Variants in MT1X observed in about 807,000 individuals in gnomAD.
The protein encoded by MT1X is metallothionein 1X.
A neutral mutation model predicts 8.6 loss-of-function variants in MT1X; 7 were observed. The observed-to-expected ratio is 0.81, with a 90% CI of 0.46 to 1.52. MT1X has a LOEUF of 1.52. Among genes scored for constraint, MT1X ranks in the 40% most tolerant of loss-of-function variants. The probability of loss-of-function intolerance (pLI) is 0.01; values close to 1 mark genes in which losing one functional copy is unlikely to be tolerated. For synonymous variants in MT1X, 25 were observed against 27.6 expected, an observed-to-expected ratio of 0.91 and a Z score of 0.30; for missense variants, 72 against 74.3, an observed-to-expected ratio of 0.97 and a Z score of 0.11.
At chr16:56,683,822 T>G in intron 2 of MT1X, 136 bp from the exon 3 acceptor site, 2 of 1,292,348 alleles carry the variant, frequency 1.5e-6, no homozygotes, top group Non-Finnish European at 2.2e-6. Context: ...CTACCAGTTC[T>G]CTTCTGACAA....
At chr16:56,683,585 T>G in intron 2 of MT1X, 1 of 388,582 alleles carries the variant, frequency 2.6e-6, no homozygotes, top group Non-Finnish European at 4.7e-6. Context: ...ATCCAGTCCT[T>G]TCCTGCAGGG....
At chr16:56,682,686 G>A (rs2144368073) in intron 1 of MT1X, 118 bp downstream of exon 1, 3 of 1,273,236 alleles carry the variant, frequency 2.4e-6, no homozygotes, top group African/African-American at 1.5e-5. Context: ...CCTTTATTTC[G>A]TTAGGTGCTT....
chr16:56,684,075 G>A lies in MT1X; in HGVS notation c.*26G>A, dbSNP rs1228074860. 1.2e-5 allele frequency: 18 copies of A among 1,553,694 alleles called. No homozygotes were observed. The highest frequency in any genetic ancestry group is 1.6e-5 in the Non-Finnish European group (18 of 1,135,436). The stretch of plus-strand genomic sequence containing the variant: ...TGCCAGGACAGCTGTGCTCTCAGAT[G>A]TAAATAGAGCAACCTATATAAACCT... On this transcript the variant is annotated 3_prime_UTR_variant, in exon 3 of 3. Coordinates refer to ENST00000394485, the MANE Select transcript of MT1X (RefSeq NM_005952.4).
Position 56,683,491 on chromosome 16 carries a change from T to C in MT1X, c.94+261T>C. Reference sequence around the variant, plus strand: ...ATGTGAACCTAGGTCTCCTGCCTCCTGATGCAGCCTTCTTCACCCTTCTGG... The same window carrying C: ...ATGTGAACCTAGGTCTCCTGCCTCCCGATGCAGCCTTCTTCACCCTTCTGG... On this transcript the variant is annotated intron_variant, in intron 2 of 2. Transcript: ENST00000394485. 4 of 470,300 alleles carry C rather than the reference T, an allele frequency of 8.5e-6. No individual in the cohort carries two copies. The East Asian group carries it at 1.7e-4, about 20-fold the overall frequency. The allele number at this position is 470,300 out of a possible 1,614,324, so 29.1% of individuals were successfully genotyped here.
intron 1 of MT1X, 66 bp downstream of exon 1, chr16:56,682,634 G>T: frequency 2.5e-6 from 4 of 1,590,228 alleles, no homozygotes; most frequent in Non-Finnish European, 3.4e-6. Context: ...ACTCTTCCTG[G>T]GTTTGAAGAA....
At chr16:56,683,010 AG>A in intron 1 of MT1X, 154 bp from the exon 2 acceptor site, 2 of 851,854 alleles carry the variant, frequency 2.3e-6, no homozygotes, top group Non-Finnish European at 3.7e-6. Flanking sequence ...ATGAAGGGAG[AG>A]GAGATGGGGC....
chr16:56,682,876 C>G (rs1961017874), intron 1 of MT1X: 3 of 590,400 alleles, frequency 5.1e-6, no homozygotes, highest in Non-Finnish European at 6.0e-6. Context: ...AAGTGGGGGG[C>G]CATTGCCTCT....
At position 56,684,013 on chromosome 16, in the gene MT1X, C is replaced by G; in HGVS notation, c.150C>G (p.Cys50Trp). Residue 50 changes from cysteine (C) to tryptophan (W), a missense_variant, in exon 3 of 3, where the codon TGC (cysteine) becomes TGG (tryptophan). Physicochemically the swap from Cys to Trp is radical, Grantham distance 215. Transcript: ENST00000394485. The stretch of plus-strand genomic sequence containing the variant: ...CCAAGTGTGCCCAGGGCTGCATCTG[C>G]AAAGGGACGTCAGACAAGTGCAGCT... ...GCAKCAQGCI[C>W]KGTSDKCSCC... The G allele has an allele frequency of 2.5e-6, 4 of 1,614,002 alleles. No homozygotes were observed. The South Asian group carries it at 4.4e-5, about 18-fold the overall frequency.
At chr16:56,683,701 G>C (rs1019729215) in intron 2 of MT1X, 28 of 512,462 alleles carry the variant, frequency 5.5e-5, no homozygotes, top group African/African-American at 5.4e-4. Context: ...TTGGGGAACT[G>C]GCCTCCTTTT....
Position 56,684,145 on chromosome 16 carries a change from TACA to T in MT1X, c.*97_*99del. The T allele has an allele frequency of 5.0e-6, 7 of 1,398,414 alleles. No individual in the cohort carries two copies. The highest frequency in any genetic ancestry group is 6.7e-6 in the Non-Finnish European group (7 of 1,040,158). 86.6% of individuals were successfully genotyped at this position (1,398,414 alleles called of 1,614,324 possible). A position where few individuals can be genotyped will look rare whatever the true frequency, so the allele number is the denominator to read the frequency against. On this transcript the variant is annotated 3_prime_UTR_variant, in exon 3 of 3. Transcript: ENST00000394485. ...TTTTGTACAACCCTGACCCGTTTGC[TACA>T]TCTTTTTTTCTATGAAATATGTGAA...
chr16:56,683,878 G>A, intron 2 of MT1X, 80 bp from the exon 3 acceptor site: 1 of 1,588,688 alleles, frequency 6.3e-7, no homozygotes, highest in Non-Finnish European at 8.6e-7. Flanking sequence ...TGGAGGCAGG[G>A]CTCGAGCCAG....
chr16:56,683,827 T>A (rs1305880196), intron 2 of MT1X, 131 bp from the exon 3 acceptor site: 1 of 1,349,902 alleles, frequency 7.4e-7, no homozygotes, highest in Non-Finnish European at 1.0e-6. Flanking sequence ...AGTTCTCTTC[T>A]GACAAAGCCA....
At position 56,682,582 on chromosome 16, in the gene MT1X, A is replaced by G. The variant is rs766606475; in HGVS notation, c.28+14A>G. ...CCTGCTCGCCTGGTAAGGGACACCT[A>G]GCTCCGCGCCTTGGGATGCCCGTTT... On this transcript the variant is annotated intron_variant, in intron 1 of 2. Transcript: ENST00000394485. The G allele has an allele frequency of 3.7e-6, 6 of 1,614,050 alleles. No individual in the cohort carries two copies. The Admixed American group carries it at 5.0e-5, about 13-fold the overall frequency.
chr16:56,683,525 G>A (rs1189181249), intron 2 of MT1X: 10 of 424,974 alleles, frequency 2.4e-5, no homozygotes, highest in Non-Finnish European at 3.9e-5. Context: ...GGGTCCTGAA[G>A]CACTTAAGGC....
At position 56,683,203 on chromosome 16, in the gene MT1X, G is replaced by A. The variant is rs116763728; in HGVS notation, c.67G>A (p.Glu23Lys). The A allele has an allele frequency of 1.2e-6, 2 of 1,614,044 alleles. No homozygotes were observed. The highest frequency in any genetic ancestry group is 2.2e-5 in the South Asian group (2 of 91,086). Residue 23 changes from glutamate to lysine, a missense_variant, in exon 2 of 3, where the codon GAG (glutamate) becomes AAG (lysine). Glu to Lys is a moderately conservative substitution (Grantham distance 56, BLOSUM62 1). Coordinates refer to ENST00000394485, the MANE Select transcript of MT1X (RefSeq NM_005952.4). Reference protein sequence around the residue: ...CACAGSCKCKECKCTSCKKSC... With the variant: ...CACAGSCKCKKCKCTSCKKSC... Reference sequence around the variant, plus strand: ...CTGTGCCGGCTCCTGCAAATGCAAAGAGTGCAAATGCACCTCCTGCAAGAA... The same window carrying A: ...CTGTGCCGGCTCCTGCAAATGCAAAAAGTGCAAATGCACCTCCTGCAAGAA...
chr16:56,682,998 A>G, intron 1 of MT1X, 167 bp from the exon 2 acceptor site: 1 of 800,038 alleles, frequency 1.2e-6, no homozygotes. Context: ...GCCCTTCCCA[A>G]AATGAAGGGA....
chr16:56,683,336 C>A, intron 2 of MT1X, 106 bp downstream of exon 2: 2 of 1,286,914 alleles, frequency 1.6e-6, no homozygotes, highest in Non-Finnish European at 1.1e-6. Context: ...TCCCCAAACC[C>A]CTCCTTCAAC....
At chr16:56,683,435 G>A (rs960776503) in intron 2 of MT1X, 5 of 575,426 alleles carry the variant, frequency 8.7e-6, no homozygotes, top group African/African-American at 5.7e-5. Context: ...GCCCAGAGAG[G>A]TTACCAGATA....
Position 56,684,044 on chromosome 16 carries a change from G to A in MT1X, c.181G>A (p.Ala61Thr). ...GACGTCAGACAAGTGCAGCTGCTGT[G>A]CCTGATGCCAGGACAGCTGTGCTCT... ...KGTSDKCSCCA is the reference protein window; with the variant it reads ...KGTSDKCSCCT Residue 61 changes from alanine (A) to threonine (T), a missense_variant, in exon 3 of 3, where the codon GCC becomes ACC. Coordinates refer to ENST00000394485, the MANE Select transcript of MT1X (RefSeq NM_005952.4). 1.9e-6 allele frequency: 3 copies of A among 1,613,816 alleles called. No individual in the cohort carries two copies. The highest frequency in any genetic ancestry group is 1.1e-5 in the South Asian group (1 of 91,068).
Sources: allele counts gnomAD v4.1 joint callset, GRCh38; gene constraint gnomAD v4.1.1; transcripts MANE v1.5; gene names NCBI Gene and HGNC (gene_info 2026-07-23, HGNC 2026-07-21).